NEO1: variants seen among roughly 807,000 people sequenced by gnomAD.
NEO1 encodes neogenin 1.
A neutral mutation model predicts 159.7 loss-of-function variants in NEO1; 63 were observed. The observed-to-expected ratio is 0.39, with a 90% CI of 0.32 to 0.49. NEO1 has a LOEUF of 0.49. NEO1 is among the 20% of genes least tolerant of loss of function. The pLI is 0.85. For synonymous variants in NEO1, 633 were observed against 662.0 expected (o/e 0.96, Z 0.67); for missense variants, 1,615 against 1,831.0 (o/e 0.88, Z 2.15).
intron 7 of NEO1, among the ~76,000 whole-genome samples, chr15:73,211,564 A>G (rs987812276): frequency 3.3e-5 from 5 of 152,106 alleles, no homozygotes; most frequent in Admixed American, 2.6e-4. Context: ...AAAATACAAA[A>G]ATTAGCCAGG....
At chr15:73,288,572 T>G in intron 24 of NEO1, 21 bp downstream of exon 24, 6 of 1,592,706 alleles carry the variant, frequency 3.8e-6, no homozygotes, top group Non-Finnish European at 5.2e-6. Context: ...AAGTGCAGGT[T>G]TTTTCTCAAA....
chr15:73,295,490 C>G (rs1296516001), intron 26 of NEO1, among the ~76,000 whole-genome samples: 1 of 151,420 alleles, frequency 6.6e-6, no homozygotes, highest in Non-Finnish European at 1.5e-5. Flanking sequence ...ATGGCAGCTC[C>G]TACCCAGCCC....
At chr15:73,283,782 C>G (rs1467615852) in intron 23 of NEO1, among the ~76,000 whole-genome samples, 1 of 152,202 alleles carries the variant, frequency 6.6e-6, no homozygotes, top group Non-Finnish European at 1.5e-5. Context: ...GCCCAGGAGT[C>G]TGTGGACATT....
chr15:73,222,801 C>G (rs1006105240), intron 7 of NEO1, among the ~76,000 whole-genome samples: 7 of 152,022 alleles, frequency 4.6e-5, no homozygotes, highest in Non-Finnish European at 1.0e-4. Context: ...GATCTTGGTA[C>G]TTTCCTTGCT....
intron 11 of NEO1, 137 bp downstream of exon 11, chr15:73,249,858 C>G (rs1348514343): frequency 1.1e-6 from 1 of 940,488 alleles, no homozygotes; most frequent in Non-Finnish European, 1.5e-6. Flanking sequence ...TGACTTTAGT[C>G]AAGTCTGAAC....
intron 8 of NEO1, among the ~76,000 whole-genome samples, chr15:73,239,962 C>T (rs1596450754): frequency 6.6e-6 from 1 of 152,244 alleles, no homozygotes; most frequent in East Asian, 1.9e-4. Flanking sequence ...ATGCCTGGTA[C>T]AGCGTCAGTA....
At chr15:73,075,414 G>A (rs1224746543) in intron 1 of NEO1, among the ~76,000 whole-genome samples, 2 of 152,142 alleles carry the variant, frequency 1.3e-5, no homozygotes, top group African/African-American at 2.4e-5. Context: ...GAATCAGTGT[G>A]TCTCAAAGCA....
intron 1 of NEO1, among the ~76,000 whole-genome samples, chr15:73,099,379 G>A (rs1218803728): frequency 1.3e-5 from 2 of 152,224 alleles, no homozygotes; most frequent in Non-Finnish European, 2.9e-5. Flanking sequence ...TAAATGCACA[G>A]TTGAATAGAA....
intron 21 of NEO1, among the ~76,000 whole-genome samples, chr15:73,276,782 G>A (rs189243757): frequency 1.1e-4 from 16 of 152,250 alleles, no homozygotes; most frequent in Non-Finnish European, 1.8e-4. Context: ...CTTGACATTA[G>A]CTCTAATGTT....
chr15:73,102,278 A>C (rs1484315504), intron 1 of NEO1, among the ~76,000 whole-genome samples: 2 of 152,208 alleles, frequency 1.3e-5, no homozygotes, highest in African/African-American at 2.4e-5. Flanking sequence ...AGGCAGAAGA[A>C]TCGCTTGAAC....
intron 5 of NEO1, among the ~76,000 whole-genome samples, chr15:73,170,684 T>C (rs1187822489): frequency 6.6e-6 from 1 of 152,166 alleles, no homozygotes; most frequent in Non-Finnish European, 1.5e-5. Context: ...GAGAGGATAT[T>C]AGAAAACCAG....
At position 73,176,444 on chromosome 15, in the gene NEO1, C is replaced by T; in HGVS notation, c.1057C>T (p.His353Tyr). 5 of 1,606,196 alleles carry T rather than the reference C, an allele frequency of 3.1e-6. No individual in the cohort carries two copies. The highest frequency in any genetic ancestry group is 4.3e-6 in the Non-Finnish European group (5 of 1,175,868). The change falls in exon 6 of 29, where the codon CAC (histidine) becomes TAC (tyrosine). Residue 353 changes from histidine to tyrosine, a missense_variant. Physicochemically the swap from His to Tyr is moderately conservative, Grantham distance 83. This residue lies in a region of NEO1 where 1,018 missense variants were observed against 1,115.4 expected (regional missense o/e 0.91). Transcript: ENST00000261908. The stretch of plus-strand genomic sequence containing the variant: ...GAAGCAGCCTACTAATATATATGCT[C>T]ACGAATCTATGGATATTGTATTTGA... The part of the protein sequence containing the change: ...FLKQPTNIYA[H>Y]ESMDIVFECE...
At chr15:73,295,560 G>T (rs1180806600) in intron 26 of NEO1, among the ~76,000 whole-genome samples, 1 of 151,910 alleles carries the variant, frequency 6.6e-6, no homozygotes, top group East Asian at 1.9e-4. Flanking sequence ...GGCAGAAAGT[G>T]AAGAGAGGGG....
chr15:73,068,227 C>CCA (rs2068329224), intron 1 of NEO1, among the ~76,000 whole-genome samples: 1 of 109,694 alleles, frequency 9.1e-6, no homozygotes, highest in Non-Finnish European at 2.2e-5. Context: ...CCCCCTACCC[C>CCA]CCCCCCTTTT....
At chr15:73,223,688 T>C (rs902589811) in intron 7 of NEO1, among the ~76,000 whole-genome samples, 7 of 152,206 alleles carry the variant, frequency 4.6e-5, no homozygotes, top group Non-Finnish European at 8.8e-5. Flanking sequence ...CAGGTGAGTC[T>C]CCTGAAGGCA....
chr15:73,133,627 C>T (rs1279106492), intron 4 of NEO1, among the ~76,000 whole-genome samples: 3 of 152,256 alleles, frequency 2.0e-5, no homozygotes, highest in Admixed American at 2.0e-4. Flanking sequence ...CAGACTGACC[C>T]TAGGCTACTC....
intron 1 of NEO1, among the ~76,000 whole-genome samples, chr15:73,108,058 A>G (rs1377336210): frequency 6.6e-6 from 1 of 152,224 alleles, no homozygotes; most frequent in Admixed American, 6.5e-5. Context: ...AAAAGCTTTC[A>G]TGAACGTTCT....
chr15:73,061,713 G>A (rs972210670), intron 1 of NEO1, among the ~76,000 whole-genome samples: 3 of 152,170 alleles, frequency 2.0e-5, no homozygotes, highest in African/African-American at 4.8e-5. Context: ...TCTTCCCAGA[G>A]TAATCACTTT....
chr15:73,187,021 G>A (rs982882020), intron 7 of NEO1, among the ~76,000 whole-genome samples: 2 of 152,098 alleles, frequency 1.3e-5, no homozygotes, highest in Non-Finnish European at 2.9e-5. Flanking sequence ...GTGACAGAAT[G>A]GTATATGTAG....
Sources: allele counts gnomAD v4.1 joint callset (sites outside exome capture counted in the v4.1 genomes callset), GRCh38; gene constraint gnomAD v4.1.1; regional missense constraint gnomAD v4.1.1; transcripts MANE v1.5; gene names NCBI Gene and HGNC (gene_info 2026-07-23, HGNC 2026-07-21).